Variants in PTPRD observed in about 807,000 individuals in gnomAD.
PTPRD encodes receptor-type tyrosine-protein phosphatase delta.
A neutral mutation model predicts 214.5 loss-of-function variants in PTPRD; 34 were observed. That is an observed-to-expected ratio of 0.16 (90% confidence interval 0.12 to 0.21). PTPRD has a LOEUF of 0.21. Ranked by LOEUF, PTPRD falls within the 10% of genes least tolerant of loss-of-function variation. The pLI, the probability that PTPRD is intolerant of heterozygous loss-of-function variation, is 1.00. For missense variants in PTPRD, 2,545 were observed against 2,398.7 expected (o/e 1.06, Z -1.27); for synonymous variants, 1,128 against 845.7 (o/e 1.33, Z -5.79).
chr9:8,380,692 A>C (rs1400811041), intron 37 of PTPRD, among the ~76,000 whole-genome samples: 9 of 152,198 alleles, frequency 5.9e-5, no homozygotes. Context: ...TTATTTTTAA[A>C]ACTCTTGTCA....
chr9:10,149,762 G>C (rs567711499), intron 3 of PTPRD, among the ~76,000 whole-genome samples: 4 of 142,944 alleles, frequency 2.8e-5, no homozygotes, highest in African/African-American at 7.8e-5. Flanking sequence ...ATGGAGTCTT[G>C]CTCTGTCGTC....
intron 9 of PTPRD, among the ~76,000 whole-genome samples, chr9:9,340,775 G>A (rs1327541470): frequency 2.6e-5 from 4 of 152,182 alleles, no homozygotes; most frequent in Non-Finnish European, 5.9e-5. Context: ...GCTATGCGAA[G>A]TAACAAGAAA....
chr9:9,871,374 G>A (rs918013767), intron 5 of PTPRD, among the ~76,000 whole-genome samples: 2 of 152,112 alleles, frequency 1.3e-5, no homozygotes, highest in African/African-American at 4.8e-5. Flanking sequence ...ATGTAGTCTT[G>A]TATCCTTGAT....
chr9:10,033,720 A>C lies in PTPRD; in HGVS notation c.-474T>G, dbSNP rs2097126501. On this transcript the variant is annotated splice_region_variant and 5_prime_UTR_variant, in exon 4 of 46. Coordinates refer to ENST00000381196, the MANE Select transcript of PTPRD (RefSeq NM_002839.4). ...AAATTAGAATGAGTGAGACTTACCA[A>C]TGTACAGCTTCCCCCTACAAGATGA... is the stretch of plus-strand genomic sequence containing the variant. 1 of 152,130 alleles carries C rather than the reference A, an allele frequency of 6.6e-6. No individual in the cohort carries two copies. Among genetic ancestry groups the C allele is most frequent in the Non-Finnish European group, 1.5e-5 (1 of 67,992 alleles). 9.4% of individuals were successfully genotyped at this position (152,130 alleles called of 1,614,324 possible).
chr9:9,969,316 T>C (rs760288811), intron 4 of PTPRD, among the ~76,000 whole-genome samples: 1 of 150,754 alleles, frequency 6.6e-6, no homozygotes, highest in Non-Finnish European at 1.5e-5. Flanking sequence ...TCCTTTAAGA[T>C]CTTGTGGCCT....
intron 5 of PTPRD, among the ~76,000 whole-genome samples, chr9:9,863,900 C>T (rs1052188094): frequency 2.0e-5 from 3 of 151,664 alleles, no homozygotes; most frequent in Non-Finnish European, 4.4e-5. Context: ...TACCTGATCC[C>T]TGTCCAGTCT....
chr9:9,165,019 T>A (rs1211711449), intron 10 of PTPRD, among the ~76,000 whole-genome samples: 1 of 141,966 alleles, frequency 7.0e-6, no homozygotes, highest in Non-Finnish European at 1.5e-5. Flanking sequence ...GCCACTGCAC[T>A]CCAGCCTGGG....
chr9:9,578,958 C>A (rs2089913710), intron 7 of PTPRD, among the ~76,000 whole-genome samples: 1 of 151,948 alleles, frequency 6.6e-6, no homozygotes. Context: ...TCATTTAATT[C>A]TGATAATTAT....
At chr9:10,568,735 C>G (rs1162818531) in intron 2 of PTPRD, among the ~76,000 whole-genome samples, 1 of 152,132 alleles carries the variant, frequency 6.6e-6, no homozygotes, top group East Asian at 1.9e-4. Flanking sequence ...AAAGCTAAAA[C>G]TGGATCCCTT....
At chr9:10,469,027 A>C (rs1566274811) in intron 2 of PTPRD, among the ~76,000 whole-genome samples, 1 of 152,148 alleles carries the variant, frequency 6.6e-6, no homozygotes, top group Non-Finnish European at 1.5e-5. Flanking sequence ...AGTAAATAAC[A>C]CACTTAATGC....
chr9:9,919,579 C>T (rs2081970584), intron 5 of PTPRD, among the ~76,000 whole-genome samples: 1 of 152,280 alleles, frequency 6.6e-6, no homozygotes, highest in African/African-American at 2.4e-5. Context: ...ACTCCCCTAT[C>T]AGCACAAATG....
intron 5 of PTPRD, among the ~76,000 whole-genome samples, chr9:9,885,215 AT>A (rs1566002839): frequency 6.6e-6 from 1 of 152,108 alleles, no homozygotes; most frequent in African/African-American, 2.4e-5. Flanking sequence ...AAGTATTAAT[AT>A]ATTGAATAAA....
chr9:8,663,176 T>C (rs2097098660), intron 12 of PTPRD, among the ~76,000 whole-genome samples: 1 of 151,362 alleles, frequency 6.6e-6, no homozygotes, highest in East Asian at 1.9e-4. Context: ...TTAAATAATA[T>C]ACTTCTTATA....
chr9:8,530,324 A>C (rs1342345734), intron 14 of PTPRD, among the ~76,000 whole-genome samples: 2 of 152,028 alleles, frequency 1.3e-5, no homozygotes, highest in Non-Finnish European at 2.9e-5. Context: ...CTCTCATAGG[A>C]AATTTTTCTT....
intron 34 of PTPRD, among the ~76,000 whole-genome samples, chr9:8,449,436 A>G (rs1170868762): frequency 6.6e-6 from 1 of 152,202 alleles, no homozygotes; most frequent in Non-Finnish European, 1.5e-5. Flanking sequence ...TAATAAAAAC[A>G]ATAATCAAAG....
chr9:9,935,478 T>C (rs2088859117), intron 5 of PTPRD, among the ~76,000 whole-genome samples: 1 of 152,080 alleles, frequency 6.6e-6, no homozygotes, highest in Non-Finnish European at 1.5e-5. Flanking sequence ...CATTCACAAT[T>C]GCTTCAAAGA....
intron 36 of PTPRD, among the ~76,000 whole-genome samples, chr9:8,390,129 T>A (rs2047594): frequency 0.87 from 132,268 of 151,836 alleles, 58,012 homozygotes; most frequent in Middle Eastern, 0.94. Flanking sequence ...TGGATGTCCA[T>A]CTTCTACTTT....
chr9:9,372,462 C>T (rs2059784348), intron 9 of PTPRD, among the ~76,000 whole-genome samples: 1 of 151,896 alleles, frequency 6.6e-6, no homozygotes, highest in African/African-American at 2.4e-5. Context: ...TTTCCATTTG[C>T]TTGGTAGATC....
chr9:8,486,035 C>G lies in PTPRD; in HGVS notation c.2782G>C (p.Glu928Gln), dbSNP rs1333477882. 1 of 1,614,132 alleles carries G rather than the reference C, an allele frequency of 6.2e-7. No homozygotes were observed. The highest frequency in any genetic ancestry group is 1.7e-5 in the Admixed American group (1 of 60,000). ...PTGFPQNLHS[E>Q]GTTSTSVQLS... ...TGGACGGAGGTTGAAGTGGTGCCTT[C>G]TGAGTGAAGGTTTTGAGGGAATCCA... The change falls in exon 28 of 46, where the codon GAA becomes CAA. Residue 928 changes from glutamate to glutamine, a missense_variant. Coordinates refer to ENST00000381196, the MANE Select transcript of PTPRD (RefSeq NM_002839.4).
Sources: gnomAD v4.1 joint callset for allele counts (sites outside exome capture counted in the v4.1 genomes callset) on GRCh38, gnomAD v4.1.1 for gene constraint, MANE v1.5 for transcripts, NCBI Gene and HGNC (gene_info 2026-07-23, HGNC 2026-07-21) for gene names.